COL25A1: variants seen among roughly 807,000 people sequenced by gnomAD.
The protein encoded by COL25A1 is collagen alpha-1(XXV) chain.
In COL25A1, 103 loss-of-function variants were observed where a neutral mutation model predicts 128.4. The observed-to-expected ratio is 0.80, with a 90% CI of 0.68 to 0.94. The LOEUF is 0.94. COL25A1 is among the 40% of genes least tolerant of loss of function. The probability of loss-of-function intolerance (pLI) is 0.00; values close to 1 mark genes in which losing one functional copy is unlikely to be tolerated. For missense variants in COL25A1, 745 were observed against 840.0 expected (o/e 0.89, Z 1.40); for synonymous variants, 279 against 277.2 (o/e 1.01, Z -0.06).
intron 3 of COL25A1, among the ~76,000 whole-genome samples, chr4:109,254,479 A>ATATATATATATATG (rs1553968375): frequency 1.1e-5 from 1 of 94,762 alleles, no homozygotes; most frequent in East Asian, 3.8e-4. Flanking sequence ...TTATATATAT[A>ATATATATATATATG]TATATATATA....
At chr4:108,861,398 G>C (rs1484827890) in intron 22 of COL25A1, among the ~76,000 whole-genome samples, 3 of 152,004 alleles carry the variant, frequency 2.0e-5, no homozygotes, top group Non-Finnish European at 4.4e-5. Context: ...GTTGGGACAG[G>C]AAAGGAGTAG....
chr4:108,846,244 A>T (rs1314726456), intron 27 of COL25A1, 25 bp from the exon 28 acceptor site: 3 of 1,466,592 alleles, frequency 2.0e-6, no homozygotes, highest in Non-Finnish European at 1.9e-6. Flanking sequence ...CAAGGTTGGC[A>T]TGTAAGCAGC....
intron 5 of COL25A1, among the ~76,000 whole-genome samples, chr4:109,012,529 T>C (rs1046108001): frequency 6.6e-6 from 1 of 152,054 alleles, no homozygotes; most frequent in African/African-American, 2.4e-5. Context: ...CCAGCGCGAG[T>C]TCCAGGTGGG....
chr4:109,276,583 G>C (rs1011475002), intron 3 of COL25A1, among the ~76,000 whole-genome samples: 5 of 152,074 alleles, frequency 3.3e-5, no homozygotes, highest in Admixed American at 6.5e-5. Context: ...AGCCTTAGCA[G>C]GATCTCCAAC....
At chr4:109,061,549 C>A (rs1559691) in intron 3 of COL25A1, among the ~76,000 whole-genome samples, 1 of 152,192 alleles carries the variant, frequency 6.6e-6, no homozygotes, top group African/African-American at 2.4e-5. Context: ...AAGTGCTCTA[C>A]AAAATGCCAA....
intron 3 of COL25A1, among the ~76,000 whole-genome samples, chr4:109,236,017 TA>T (rs1208333074): frequency 1.3e-5 from 2 of 152,130 alleles, no homozygotes; most frequent in African/African-American, 4.8e-5. Flanking sequence ...GCTTAATACG[TA>T]ATACTGATTT....
intron 3 of COL25A1, among the ~76,000 whole-genome samples, chr4:109,205,823 T>A (rs568482959): frequency 1.4e-4 from 22 of 152,244 alleles, no homozygotes; most frequent in African/African-American, 5.1e-4. Flanking sequence ...AGAGTCCAAT[T>A]CCCTTTCCAT....
At chr4:109,000,824 T>C (rs6841512) in intron 6 of COL25A1, among the ~76,000 whole-genome samples, 109,190 of 143,614 alleles carry the variant, frequency 0.76, 42,274 homozygotes, top group East Asian at 1. Context: ...AGAAATTACA[T>C]TTAGTTAAGG....
At chr4:108,825,671 A>G (rs1732290071) in intron 33 of COL25A1, among the ~76,000 whole-genome samples, 1 of 152,226 alleles carries the variant, frequency 6.6e-6, no homozygotes, top group Admixed American at 6.5e-5. Context: ...ATTTAAAAAC[A>G]TACCAGCACT....
intron 3 of COL25A1, among the ~76,000 whole-genome samples, chr4:109,266,907 A>G (rs1037084738): frequency 1.3e-5 from 2 of 152,210 alleles, no homozygotes; most frequent in Admixed American, 1.3e-4. Flanking sequence ...TAATCAGATT[A>G]AACTGCATCA....
chr4:108,875,345 G>T (rs951261255), intron 19 of COL25A1, among the ~76,000 whole-genome samples: 6 of 152,096 alleles, frequency 3.9e-5, no homozygotes, highest in Admixed American at 3.3e-4. Flanking sequence ...AATCTACAAA[G>T]AACTCAAACA....
chr4:109,107,721 T>C (rs1766577846), intron 3 of COL25A1, among the ~76,000 whole-genome samples: 1 of 152,168 alleles, frequency 6.6e-6, no homozygotes, highest in Non-Finnish European at 1.5e-5. Context: ...CCGACATCTG[T>C]AGAGTCATTC....
At chr4:108,868,783 AAAGGAAGGAAAGG>A (rs1560777022) in intron 20 of COL25A1, among the ~76,000 whole-genome samples, 2 of 145,776 alleles carry the variant, frequency 1.4e-5, no homozygotes, top group Non-Finnish European at 3.0e-5. Flanking sequence ...GGGAAGGAAG[AAAGGAAGGAAAGG>A]AAGGAAGGAA....
chr4:109,228,635 T>C (rs1347402969), intron 3 of COL25A1, among the ~76,000 whole-genome samples: 2 of 152,226 alleles, frequency 1.3e-5, no homozygotes, highest in African/African-American at 2.4e-5. Context: ...TTCAGGGTTG[T>C]GTCTCTCTGG....
At chr4:109,179,569 A>T (rs1269132851) in intron 3 of COL25A1, among the ~76,000 whole-genome samples, 1 of 152,238 alleles carries the variant, frequency 6.6e-6, no homozygotes, top group Non-Finnish European at 1.5e-5. Flanking sequence ...AATTTGTTTT[A>T]AAAATCTTAT....
At chr4:108,925,366 G>A (rs906739497) in intron 11 of COL25A1, among the ~76,000 whole-genome samples, 6 of 151,968 alleles carry the variant, frequency 3.9e-5, no homozygotes, top group African/African-American at 1.2e-4. Flanking sequence ...GGGGCGGGGC[G>A]GTCATTTAGT....
intron 5 of COL25A1, among the ~76,000 whole-genome samples, chr4:109,030,478 C>A (rs968367383): frequency 1.3e-5 from 2 of 152,166 alleles, no homozygotes; most frequent in African/African-American, 2.4e-5. Context: ...GGAAGGGAAC[C>A]ACCAAGGACC....
chr4:108,882,148 C>T (rs993681953), intron 19 of COL25A1, among the ~76,000 whole-genome samples: 9 of 152,150 alleles, frequency 5.9e-5, no homozygotes, highest in African/African-American at 1.9e-4. Context: ...AAGCTCAAAA[C>T]ATTCTGACTA....
At position 108,808,898 on chromosome 4, in the gene COL25A1, G is replaced by A. The variant is rs1333989604; in HGVS notation, c.*5029C>T. On this transcript the variant is annotated 3_prime_UTR_variant, in exon 38 of 38. Coordinates refer to ENST00000399132, the MANE Select transcript of COL25A1 (RefSeq NM_198721.4). Reference sequence around the variant, plus strand: ...GGAACCCTGAAAACAAATTTAAAAAGCAAATAAAAACAAACTGGAAACTGA... The same window carrying A: ...GGAACCCTGAAAACAAATTTAAAAAACAAATAAAAACAAACTGGAAACTGA... The A allele has an allele frequency of 6.6e-6, 1 of 152,018 alleles. No homozygotes were observed. Among genetic ancestry groups the A allele is most frequent in the African/African-American group, 2.4e-5 (1 of 41,384 alleles). 9.4% of individuals were successfully genotyped at this position (152,018 alleles called of 1,614,324 possible).
Sources: gnomAD v4.1 joint callset for allele counts (sites outside exome capture counted in the v4.1 genomes callset) on GRCh38, gnomAD v4.1.1 for gene constraint, MANE v1.5 for transcripts, NCBI Gene and HGNC (gene_info 2026-07-23, HGNC 2026-07-21) for gene names.